The following ERI3 variants were observed in gnomAD, a reference collection of about 807,000 sequenced individuals.
ERI3 encodes the protein ERI1 exoribonuclease 3.
A neutral mutation model predicts 44.4 loss-of-function variants in ERI3; 18 were observed. The observed-to-expected ratio is 0.41, with a 90% CI of 0.28 to 0.60. The LOEUF (loss-of-function observed/expected upper bound fraction) is 0.60, where lower values mean the gene tolerates loss of function less well. Ranked by LOEUF, ERI3 falls within the 20% of genes least tolerant of loss-of-function variation. ERI3 has a pLI of 0.36. For synonymous variants in ERI3, 183 were observed against 164.8 expected (o/e 1.11, Z -0.84); for missense variants, 294 against 435.5 (o/e 0.68, Z 2.89).
At chr1:44,319,542 C>G in intron 4 of ERI3, 86 bp downstream of exon 4, 1 of 853,342 alleles carries the variant, frequency 1.2e-6, no homozygotes, top group Non-Finnish European at 1.9e-6. Flanking sequence ...AAGCCCTATG[C>G]TTTCTCTAAG....
At chr1:44,234,815 C>T (rs945521898) in intron 8 of ERI3, among the ~76,000 whole-genome samples, 5 of 151,926 alleles carry the variant, frequency 3.3e-5, no homozygotes, top group Non-Finnish European at 5.9e-5. Flanking sequence ...GTGATCTCAG[C>T]TCACTGCATC....
intron 8 of ERI3, among the ~76,000 whole-genome samples, chr1:44,231,280 TCTGTATA>T (rs1300459599): frequency 1.3e-5 from 2 of 152,304 alleles, no homozygotes; most frequent in East Asian, 3.9e-4. Flanking sequence ...GCCTAACCTG[TCTGTATA>T]CTTTTTTTTT....
At chr1:44,251,876 C>T (rs1644687796) in intron 7 of ERI3, among the ~76,000 whole-genome samples, 1 of 152,198 alleles carries the variant, frequency 6.6e-6, no homozygotes, top group Non-Finnish European at 1.5e-5. Context: ...CCTTCCCTCT[C>T]CTGCCAGCTT....
chr1:44,314,153 T>TC (rs779128513), intron 4 of ERI3, among the ~76,000 whole-genome samples: 11 of 148,146 alleles, frequency 7.4e-5, no homozygotes, highest in Non-Finnish European at 1.3e-4. Flanking sequence ...TAAAGTGTGT[T>TC]GGGGGGGGGG....
chr1:44,228,805 C>T lies in ERI3; in HGVS notation c.932-7165G>A, dbSNP rs1034688578. 1.3e-5 allele frequency among the ~76,000 whole-genome samples: 2 copies of T among 152,188 alleles called. No homozygotes were observed. Among genetic ancestry groups the T allele is most frequent in the African/African-American group, 4.8e-5 (2 of 41,436 alleles). ...CAAACCCCTTATGTCGCTTGCAGTG[C>T]ATTTGGCCACCAGGAACTCAACTCA... is the stretch of plus-strand genomic sequence containing the variant. On this transcript the variant is annotated intron_variant, in intron 8 of 8. Transcript: ENST00000372257. This position sits in a 1 kb window ranked among gnomAD's most constrained non-coding sequence, Gnocchi z 4.3.
At chr1:44,244,089 C>T (rs1476787582) in intron 8 of ERI3, 5 of 152,314 alleles carry the variant, frequency 3.3e-5, no homozygotes, top group African/African-American at 1.2e-4. Context: ...AATATGAGTG[C>T]TTACTGCCCC....
At chr1:44,232,208 A>G (rs1261953539) in intron 8 of ERI3, among the ~76,000 whole-genome samples, 1 of 152,272 alleles carries the variant, frequency 6.6e-6, no homozygotes, top group Non-Finnish European at 1.5e-5. Context: ...GGAGAATGAC[A>G]TAAGGAATGG....
In ERI3 at chr1:44,228,228, C is replaced by T. The variant is rs574643707; in HGVS notation, c.932-6588G>A. ...ACTCCAAAGTGACCCCTTCTTTCAG[C>T]CCCTCCCCTCAGCCCCCTCCACCCC... On this transcript the variant is annotated intron_variant, in intron 8 of 8. Coordinates refer to ENST00000372257, the MANE Select transcript of ERI3 (RefSeq NM_024066.3). This position sits in a 1 kb window ranked among gnomAD's most constrained non-coding sequence, Gnocchi z 4.3. Among the ~76,000 whole-genome samples, 1 of 152,242 alleles carries T rather than the reference C, an allele frequency of 6.6e-6. No individual in the cohort carries two copies. The highest frequency in any genetic ancestry group is 2.4e-5 in the African/African-American group (1 of 41,532).
At chr1:44,287,829 T>C (rs982936394) in intron 6 of ERI3, among the ~76,000 whole-genome samples, 10 of 152,220 alleles carry the variant, frequency 6.6e-5, no homozygotes, top group Non-Finnish European at 1.0e-4. Context: ...CATTAAGGTC[T>C]ATGAGTGAAG....
At chr1:44,337,533 C>T (rs1557863020) in intron 3 of ERI3, among the ~76,000 whole-genome samples, 1 of 152,224 alleles carries the variant, frequency 6.6e-6, no homozygotes, top group Non-Finnish European at 1.5e-5. Context: ...GTAAGTGTGG[C>T]TTGAGTAGCT....
At chr1:44,281,597 A>T (rs1487949007) in intron 7 of ERI3, among the ~76,000 whole-genome samples, 3 of 127,610 alleles carry the variant, frequency 2.4e-5, no homozygotes, top group Admixed American at 1.6e-4. Flanking sequence ...CGAAAAAAAA[A>T]AAAAATATAT....
chr1:44,244,246 A>G (rs1644504951), intron 8 of ERI3: 1 of 153,088 alleles, frequency 6.5e-6, no homozygotes. Flanking sequence ...CCTACTCACC[A>G]CAACCTGCTC....
At chr1:44,354,592 G>A (rs1290955229) in intron 1 of ERI3, 59 of 985,270 alleles carry the variant, frequency 6.0e-5, no homozygotes, top group Non-Finnish European at 6.7e-5. Flanking sequence ...GTGTTGGCGA[G>A]AGGGTCAAGG....
chr1:44,223,859 C>G (rs187663215), intron 8 of ERI3, among the ~76,000 whole-genome samples: 1 of 152,342 alleles, frequency 6.6e-6, no homozygotes, highest in African/African-American at 2.4e-5. Context: ...TGAGTTTCAG[C>G]TACCCGCTAA....
Position 44,235,302 on chromosome 1 carries a change from C to G in ERI3, c.931+12637G>C, listed in dbSNP as rs1277271319. ...CAGGCTCATTTGCACCTTGAGTTTT[C>G]AAGTCCTCACTTCTCACCTGGCTCA... is the stretch of plus-strand genomic sequence containing the variant. On this transcript the variant is annotated intron_variant, in intron 8 of 8. Coordinates refer to ENST00000372257, the MANE Select transcript of ERI3 (RefSeq NM_024066.3). The surrounding 1 kb of genome is among the most constrained non-coding windows in gnomAD (Gnocchi z 4.6). Among the ~76,000 whole-genome samples the G allele has an allele frequency of 2.6e-5, 4 of 152,294 alleles. No individual in the cohort carries two copies. The highest frequency in any genetic ancestry group is 9.6e-5 in the African/African-American group (4 of 41,536).
chr1:44,248,060 G>C (rs1366372453), intron 7 of ERI3, 22 bp from the exon 8 acceptor site: 1 of 1,589,848 alleles, frequency 6.3e-7, no homozygotes, highest in Admixed American at 1.7e-5. Context: ...GAGGCAAGTG[G>C]TTAACGGAGG....
intron 7 of ERI3, among the ~76,000 whole-genome samples, chr1:44,256,001 C>T (rs1644772038): frequency 6.6e-6 from 1 of 152,144 alleles, no homozygotes; most frequent in South Asian, 2.1e-4. Flanking sequence ...TCCTTTAAAT[C>T]CCCCATACTG....
chr1:44,301,861 T>C (rs1303505866), intron 6 of ERI3, among the ~76,000 whole-genome samples: 1 of 152,210 alleles, frequency 6.6e-6, no homozygotes, highest in Admixed American at 6.5e-5. Flanking sequence ...ACATAGGTGG[T>C]TGTAGGCCTA....
rs1294307911 is a variant in ERI3 at position 44,241,719 on chromosome 1, G to C, written c.931+6220C>G. ...GATGGTTTGACAGGAGATACAGAGA[G>C]AGACAAGGGGAGGCGAGGCCGGGGC... On this transcript the variant is annotated intron_variant, in intron 8 of 8. Coordinates refer to ENST00000372257, the MANE Select transcript of ERI3 (RefSeq NM_024066.3). The surrounding 1 kb of genome is among the most constrained non-coding windows in gnomAD (Gnocchi z 5.6). Among the ~76,000 whole-genome samples, 1 of 152,144 alleles carries C rather than the reference G, an allele frequency of 6.6e-6. No homozygotes were observed. The highest frequency in any genetic ancestry group is 1.5e-5 in the Non-Finnish European group (1 of 68,026).
Sources: allele counts gnomAD v4.1 joint callset (sites outside exome capture counted in the v4.1 genomes callset), GRCh38; gene constraint gnomAD v4.1.1; non-coding constraint Gnocchi (gnomAD v3.1); transcripts MANE v1.5; gene names NCBI Gene and HGNC (gene_info 2026-07-23, HGNC 2026-07-21).